The following HCRTR2 variants were observed in gnomAD, a reference collection of about 807,000 sequenced individuals.
HCRTR2 encodes the protein hypocretin receptor 2.
A neutral mutation model predicts 49.0 loss-of-function variants in HCRTR2; 22 were observed. The ratio of observed to expected loss-of-function variants is 0.45; its 90% confidence interval spans 0.32 to 0.64. HCRTR2 has a LOEUF of 0.64. HCRTR2 is among the 30% of genes least tolerant of loss of function. The pLI, the probability that HCRTR2 is intolerant of heterozygous loss-of-function variation, is 0.04. For missense variants in HCRTR2, 491 were observed against 559.4 expected, an observed-to-expected ratio of 0.88 and a Z score of 1.23; for synonymous variants, 236 against 205.3, an observed-to-expected ratio of 1.15 and a Z score of -1.28.
chr6:55,265,874 T>C (rs1766851194), intron 4 of HCRTR2, among the ~76,000 whole-genome samples: 1 of 152,124 alleles, frequency 6.6e-6, no homozygotes, highest in Non-Finnish European at 1.5e-5. Flanking sequence ...GTTTGGTACA[T>C]GCATTCAGGT....
In HCRTR2 at chr6:55,282,004, T is replaced by C. The variant is rs184814540; in HGVS notation, c.1106-221T>C. On this transcript the variant is annotated intron_variant, in intron 6 of 6. Coordinates refer to ENST00000370862, the MANE Select transcript of HCRTR2 (RefSeq NM_001384272.1). ...AATGAAGCAAATTCCAAGCCCCATA[T>C]GTGAAAGGCAGCCTCGTTATTTTAT... 4.5e-3 allele frequency among the ~76,000 whole-genome samples: 682 copies of C among 152,246 alleles called. 2 individuals are homozygous for C. The highest frequency in any genetic ancestry group is 0.015 in the African/African-American group (628 of 41,566).
At chr6:55,142,460 G>A (rs960064127) in intron 1 of HCRTR2, among the ~76,000 whole-genome samples, 6 of 150,892 alleles carry the variant, frequency 4.0e-5, no homozygotes, top group Middle Eastern at 3.4e-3. Context: ...CACCCGCTTC[G>A]GCCTCTAAAG....
Position 55,248,835 on chromosome 6 carries a change from T to C in HCRTR2, c.402+18T>C, listed in dbSNP as rs777251838. On this transcript the variant is annotated intron_variant, in intron 2 of 6. Transcript: ENST00000370862. ...ATCTACAGGTAATTGTTTTTAATGC[T>C]TTTTTGAAGCTACTAAAAAGAATGT... The C allele has an allele frequency of 6.2e-7, 1 of 1,604,844 alleles. No homozygotes were observed. The highest frequency in any genetic ancestry group is 1.1e-5 in the South Asian group (1 of 90,890).
At chr6:55,127,889 G>C (rs1344403417) in intron 1 of HCRTR2, among the ~76,000 whole-genome samples, 1 of 152,080 alleles carries the variant, frequency 6.6e-6, no homozygotes, top group East Asian at 1.9e-4. Context: ...TTACTCTGTT[G>C]GTAGTTTATT....
upstream of HCRTR2, among the ~76,000 whole-genome samples, chr6:55,170,782 T>C (rs1201408670): frequency 7.7e-6 from 1 of 130,118 alleles, no homozygotes; most frequent in Non-Finnish European, 1.6e-5. Context: ...CCTTCCTGTG[T>C]CCAGGTGTTC....
chr6:55,115,991 A>C (rs571350532), intron 1 of HCRTR2, among the ~76,000 whole-genome samples: 1 of 151,894 alleles, frequency 6.6e-6, no homozygotes, highest in South Asian at 2.1e-4. Flanking sequence ...CAGGTATTCA[A>C]GAATTTTTAA....
chr6:55,130,385 T>TA (rs1296472533), intron 1 of HCRTR2, among the ~76,000 whole-genome samples: 12 of 145,436 alleles, frequency 8.3e-5, no homozygotes, highest in African/African-American at 3.3e-4. Flanking sequence ...TTTGTTGTTT[T>TA]GTTTTTTTTT....
intron 2 of HCRTR2, among the ~76,000 whole-genome samples, chr6:55,254,006 G>A (rs546997289): frequency 1.3e-5 from 2 of 152,144 alleles, no homozygotes; most frequent in South Asian, 4.1e-4. Context: ...TAACAAACCT[G>A]CTCATGTACC....
intron 3 of HCRTR2, among the ~76,000 whole-genome samples, chr6:55,257,087 A>T (rs1049385829): frequency 6.6e-6 from 1 of 152,090 alleles, no homozygotes; most frequent in Non-Finnish European, 1.5e-5. Context: ...GAAAATCCAC[A>T]TCATGGATAC....
chr6:55,244,183 G>T (rs1432158399), intron 1 of HCRTR2, among the ~76,000 whole-genome samples: 1 of 151,978 alleles, frequency 6.6e-6, no homozygotes, highest in Non-Finnish European at 1.5e-5. Flanking sequence ...GGCCATCTGA[G>T]AATTTTGTAC....
chr6:55,129,193 A>C (rs1251494509), intron 1 of HCRTR2, among the ~76,000 whole-genome samples: 1 of 152,110 alleles, frequency 6.6e-6, no homozygotes, highest in Non-Finnish European at 1.5e-5. Flanking sequence ...ATGACTCATA[A>C]ATATTTCTCT....
intron 1 of HCRTR2, among the ~76,000 whole-genome samples, chr6:55,224,516 G>C (rs1041014646): frequency 5.9e-5 from 9 of 151,974 alleles, no homozygotes; most frequent in African/African-American, 1.9e-4. Context: ...CCAGCTACCC[G>C]GGAGGCTGAG....
chr6:55,255,836 G>T (rs1259180351), intron 3 of HCRTR2, among the ~76,000 whole-genome samples: 1 of 152,126 alleles, frequency 6.6e-6, no homozygotes. Flanking sequence ...TGGATCACAT[G>T]GTCCTGGGAA....
At chr6:55,247,865 G>T (rs1022301220) in intron 1 of HCRTR2, among the ~76,000 whole-genome samples, 16 of 152,172 alleles carry the variant, frequency 1.1e-4, no homozygotes, top group African/African-American at 3.9e-4. Flanking sequence ...ACAAAATTGA[G>T]AGTCTGGAAC....
chr6:55,249,955 C>A (rs993351726), intron 2 of HCRTR2, among the ~76,000 whole-genome samples: 3 of 151,898 alleles, frequency 2.0e-5, no homozygotes, highest in African/African-American at 7.3e-5. Context: ...CTCCCAGTAA[C>A]AAAAAATTAG....
At chr6:55,187,063 C>A (rs1765228155) in intron 1 of HCRTR2, among the ~76,000 whole-genome samples, 1 of 151,728 alleles carries the variant, frequency 6.6e-6, no homozygotes, top group Non-Finnish European at 1.5e-5. Context: ...CTAAAATATT[C>A]ATCATTATGA....
intron 4 of HCRTR2, among the ~76,000 whole-genome samples, chr6:55,276,113 C>T (rs1767072341): frequency 6.6e-6 from 1 of 152,094 alleles, no homozygotes; most frequent in Admixed American, 6.5e-5. Context: ...GAGAAAGTTC[C>T]TATCTCTCCC....
intron 1 of HCRTR2, among the ~76,000 whole-genome samples, chr6:55,158,099 G>A (rs1365215400): frequency 1.3e-5 from 2 of 152,162 alleles, no homozygotes; most frequent in Non-Finnish European, 2.9e-5. Flanking sequence ...ATTTCCAACT[G>A]AGGTACCCAG....
chr6:55,256,908 T>C (rs1315387922), intron 3 of HCRTR2, among the ~76,000 whole-genome samples: 1 of 152,118 alleles, frequency 6.6e-6, no homozygotes, highest in East Asian at 1.9e-4. Context: ...GTAATCAGTA[T>C]TTTAATATAT....
Sources: gnomAD v4.1 joint callset for allele counts (sites outside exome capture counted in the v4.1 genomes callset) on GRCh38, gnomAD v4.1.1 for gene constraint, MANE v1.5 for transcripts, NCBI Gene and HGNC (gene_info 2026-07-23, HGNC 2026-07-21) for gene names.